Variants in HNRNPD observed in about 807,000 individuals in gnomAD.
HNRNPD encodes the protein heterogeneous nuclear ribonucleoprotein D0.
Under a neutral mutation model 47.9 loss-of-function variants are expected in HNRNPD, and 3 were observed. That is an observed-to-expected ratio of 0.06 (90% CI 0.03 to 0.16). The LOEUF is 0.16. Among genes scored for constraint, HNRNPD ranks in the 10% least tolerant of loss-of-function variants. The pLI is 1.00. For missense variants in HNRNPD, 287 were observed against 454.2 expected (o/e 0.63, Z 3.35); for synonymous variants, 171 against 165.1 (o/e 1.04, Z -0.28).
chr4:82,367,276 C>T (rs1034843718), intron 2 of HNRNPD, among the ~76,000 whole-genome samples: 1 of 152,066 alleles, frequency 6.6e-6, no homozygotes, highest in African/African-American at 2.4e-5. Context: ...GTAAGGTAAA[C>T]TCCCATTTAC....
At chr4:82,370,487 A>G (rs3828538) in intron 2 of HNRNPD, among the ~76,000 whole-genome samples, 1 of 152,000 alleles carries the variant, frequency 6.6e-6, no homozygotes, top group Non-Finnish European at 1.5e-5. Flanking sequence ...ACCACTCACC[A>G]AATACAGGGA....
chr4:82,365,626 G>A (rs948348988), intron 2 of HNRNPD, among the ~76,000 whole-genome samples: 2 of 152,028 alleles, frequency 1.3e-5, no homozygotes, highest in African/African-American at 4.8e-5. Context: ...ACTTTTTTGA[G>A]ACAGAGTCTC....
chr4:82,366,299 G>A (rs1015820605), intron 2 of HNRNPD, among the ~76,000 whole-genome samples: 2 of 152,028 alleles, frequency 1.3e-5, no homozygotes, highest in Non-Finnish European at 2.9e-5. Flanking sequence ...GCTGGAGTGC[G>A]GTGGCGCGAT....
rs1720274534 is a variant in HNRNPD, at chr4:82,373,767, G to C, written c.-89C>G. ...CAGCAAAGTAATCCCCGCCGCTGCC[G>C]CGCGCCCGCTCTACCTCGCGAAGCA... On this transcript the variant is annotated 5_prime_UTR_variant, in exon 1 of 9. Transcript: ENST00000313899. The C allele has an allele frequency of 6.6e-7, 1 of 1,525,802 alleles. No individual in the cohort carries two copies. Among genetic ancestry groups the C allele is most frequent in the Non-Finnish European group, 8.7e-7 (1 of 1,143,156 alleles). The allele number at this position is 1,525,802 out of a possible 1,614,324, so 94.5% of individuals were successfully genotyped here. A position where few individuals can be genotyped will look rare whatever the true frequency, so the allele number is the denominator to read the frequency against.
chr4:82,363,331 G>C (rs28407570), intron 2 of HNRNPD, among the ~76,000 whole-genome samples: 1 of 151,546 alleles, frequency 6.6e-6, no homozygotes, highest in African/African-American at 2.4e-5. Context: ...CACCTGCCTC[G>C]GCCTCCCAAA....
At chr4:82,355,568 GA>G (rs1723680106) in intron 7 of HNRNPD, 167 bp from the exon 8 acceptor site, 2 of 601,616 alleles carry the variant, frequency 3.3e-6, no homozygotes, top group Non-Finnish European at 5.9e-6. Flanking sequence ...AATATGTAGT[GA>G]ATGCATACAA....
chr4:82,363,524 G>C (rs1039158842), intron 2 of HNRNPD, among the ~76,000 whole-genome samples: 1 of 152,072 alleles, frequency 6.6e-6, no homozygotes, highest in Admixed American at 6.5e-5. Flanking sequence ...CAGAACTTCA[G>C]AAAATACCCT....
intron 2 of HNRNPD, among the ~76,000 whole-genome samples, chr4:82,369,718 G>C (rs1719943045): frequency 6.6e-6 from 1 of 151,518 alleles, no homozygotes; most frequent in Non-Finnish European, 1.5e-5. Context: ...AAAAAAGTCT[G>C]AAAGTTTTTC....
intron 4 of HNRNPD, chr4:82,358,406 G>T (rs1423890436): frequency 8.5e-6 from 3 of 352,102 alleles, no homozygotes; most frequent in African/African-American, 2.1e-5. Flanking sequence ...CTGTATTTAA[G>T]AATGTTTGTC....
chr4:82,370,737 G>T (rs1219964810), intron 2 of HNRNPD, among the ~76,000 whole-genome samples: 1 of 152,136 alleles, frequency 6.6e-6, no homozygotes, highest in East Asian at 1.9e-4. Flanking sequence ...TCCAGTGGTG[G>T]TGTATAAACC....
intron 1 of HNRNPD, among the ~76,000 whole-genome samples, chr4:82,372,771 G>A (rs1290297036): frequency 6.6e-6 from 1 of 152,196 alleles, no homozygotes; most frequent in African/African-American, 2.4e-5. Context: ...GAAACTCGGA[G>A]CATTTCACCA....
At chr4:82,371,712 G>A in intron 1 of HNRNPD, 128 bp from the exon 2 acceptor site, 1 of 633,844 alleles carries the variant, frequency 1.6e-6, no homozygotes, top group Non-Finnish European at 2.7e-6. Context: ...GCTGCTTTGC[G>A]ATTTGAATTA....
At chr4:82,365,247 C>T (rs924346731) in intron 2 of HNRNPD, among the ~76,000 whole-genome samples, 10 of 152,232 alleles carry the variant, frequency 6.6e-5, no homozygotes, top group South Asian at 2.1e-4. Context: ...ATAACAAGTT[C>T]TGACAGTTTA....
Position 82,359,462 on chromosome 4 carries a change from A to G in HNRNPD, c.459+9T>C. ...TATTATTAACTGATCAGAACACGTA[A>G]CACACTACCTTATCTACACTCTCCG... On this transcript the variant is annotated intron_variant, in intron 3 of 8. Coordinates refer to ENST00000313899, the MANE Select transcript of HNRNPD (RefSeq NM_031370.3). 6.6e-7 allele frequency: 1 copy of G among 1,520,320 alleles called. No homozygotes were observed. Among genetic ancestry groups the G allele is most frequent in the Non-Finnish European group, 8.9e-7 (1 of 1,118,670 alleles). 94.2% of individuals were successfully genotyped at this position (1,520,320 alleles called of 1,614,324 possible).
At chr4:82,373,192 G>T (rs926054461) in intron 1 of HNRNPD, 69 of 678,964 alleles carry the variant, frequency 1.0e-4, no homozygotes, top group Non-Finnish European at 1.7e-4. Flanking sequence ...GGAAAGGAGG[G>T]CGGGCCGAGG....
At chr4:82,356,996 G>T in intron 5 of HNRNPD, 101 bp from the exon 6 acceptor site, 1 of 1,031,968 alleles carries the variant, frequency 9.7e-7, no homozygotes, top group Non-Finnish European at 1.5e-6. Flanking sequence ...AATAGAGTAG[G>T]CTAATTTGAA....
chr4:82,362,237 A>C (rs919635870), intron 2 of HNRNPD, among the ~76,000 whole-genome samples: 5 of 152,220 alleles, frequency 3.3e-5, no homozygotes, highest in African/African-American at 1.2e-4. Flanking sequence ...TTTCTTCACA[A>C]GTTCTACTTT....
Position 82,353,676 on chromosome 4 carries a change from T to C in HNRNPD, c.*509A>G, listed in dbSNP as rs570015839. On this transcript the variant is annotated 3_prime_UTR_variant, in exon 9 of 9. Transcript: ENST00000313899. ...CAATTTGGACAGGGAGGACACATTA[T>C]GGCAAAAATTAGATTTTGCTAAAAA... The C allele has an allele frequency of 1.4e-4, 21 of 152,798 alleles. No individual in the cohort carries two copies. The highest frequency in any genetic ancestry group is 5.0e-4 in the African/African-American group (21 of 41,596). The allele number at this position is 152,798 out of a possible 1,614,324, so 9.5% of individuals were successfully genotyped here.
chr4:82,366,334 C>T (rs944047772), intron 2 of HNRNPD, among the ~76,000 whole-genome samples: 2 of 152,120 alleles, frequency 1.3e-5, no homozygotes, highest in African/African-American at 4.8e-5. Context: ...ACCTCTGCTT[C>T]CCGGGTTCAA....
Sources: allele counts gnomAD v4.1 joint callset (sites outside exome capture counted in the v4.1 genomes callset), GRCh38; gene constraint gnomAD v4.1.1; transcripts MANE v1.5; gene names NCBI Gene and HGNC (gene_info 2026-07-23, HGNC 2026-07-21).